The following PCIF1 variants were observed in gnomAD, a reference collection of about 807,000 sequenced individuals.
PCIF1 encodes the protein phosphorylated CTD interacting factor 1.
In PCIF1, 12 loss-of-function variants were observed where a neutral mutation model predicts 86.9. The observed-to-expected ratio is 0.14, with a 90% confidence interval of 0.09 to 0.22. The LOEUF is 0.22. Among genes scored for constraint, PCIF1 ranks in the 10% least tolerant of loss-of-function variants. PCIF1 has a pLI of 1.00. For missense variants in PCIF1, 701 were observed against 951.1 expected (o/e 0.74, Z 3.46); for synonymous variants, 397 against 372.0 (o/e 1.07, Z -0.77).
At chr20:45,940,755 T>G in intron 5 of PCIF1, 54 bp from the exon 6 acceptor site, 1 of 1,601,244 alleles carries the variant, frequency 6.2e-7, no homozygotes, top group Non-Finnish European at 8.5e-7. Flanking sequence ...CTGTATTGGA[T>G]GGAGCCTCTC....
chr20:45,944,136 C>T (rs1051303154), intron 10 of PCIF1, among the ~76,000 whole-genome samples: 22 of 152,128 alleles, frequency 1.4e-4, no homozygotes, highest in African/African-American at 5.3e-4. Context: ...GAGCTACCAT[C>T]AGATTCAATT....
Position 45,947,716 on chromosome 20 carries a change from C to T in PCIF1, c.2076C>T (p.Gly692=). 1 of 1,606,000 alleles carries T rather than the reference C, an allele frequency of 6.2e-7. No individual in the cohort carries two copies. Among genetic ancestry groups the T allele is most frequent in the African/African-American group, 1.3e-5 (1 of 74,920 alleles). ...CGGAGGCCAAGGACCGGGACTCGGG[C>T]CGTGAGCAGGGTCCTAGCCGCGAGC... ...SSSEAKDRDS[G]REQGPSREPH... Residue 692 remains glycine (G), a synonymous_variant, in exon 17 of 17, where the codon GGC becomes GGT. Transcript: ENST00000372409. The surrounding 1 kb of genome is among the most constrained non-coding windows in gnomAD (Gnocchi z 5.4).
intron 7 of PCIF1, among the ~76,000 whole-genome samples, chr20:45,941,658 C>T (rs902184793): frequency 3.9e-5 from 6 of 152,104 alleles, no homozygotes; most frequent in East Asian, 3.9e-4. Flanking sequence ...GGGGGTGTCA[C>T]GATGTTGGCC....
At chr20:45,940,103 GT>G (rs1469160609) in intron 4 of PCIF1, among the ~76,000 whole-genome samples, 1 of 152,242 alleles carries the variant, frequency 6.6e-6, no homozygotes, top group African/African-American at 2.4e-5. Context: ...ACAATAAGCA[GT>G]TTTTGAGCTT....
rs1457110751 is a variant in PCIF1 at position 45,947,486 on chromosome 20, G to A, written c.1884-38G>A. Reference sequence around the variant, plus strand: ...GAAGGAGGCTGGGCTGGCCAGGCCAGGCCCAGCCCCACCCTGAGCCATTGC... The same window carrying A: ...GAAGGAGGCTGGGCTGGCCAGGCCAAGCCCAGCCCCACCCTGAGCCATTGC... On this transcript the variant is annotated intron_variant, in intron 16 of 16. Coordinates refer to ENST00000372409, the MANE Select transcript of PCIF1 (RefSeq NM_022104.4). This position sits in a 1 kb window ranked among gnomAD's most constrained non-coding sequence, Gnocchi z 5.4. 1 of 1,613,140 alleles carries A rather than the reference G, an allele frequency of 6.2e-7. No individual in the cohort carries two copies. The highest frequency in any genetic ancestry group is 1.3e-5 in the African/African-American group (1 of 74,924).
rs2083499217 is a variant in PCIF1 at position 45,943,983 on chromosome 20, A to G, written c.1005+218A>G. On this transcript the variant is annotated intron_variant, in intron 10 of 16. Transcript: ENST00000372409. This position sits in a 1 kb window ranked among gnomAD's most constrained non-coding sequence, Gnocchi z 5.5. ...CTCCCACAGAACATTTCCATTAACA[A>G]TCTTAATGGAGTCTTATGCTTGGCC... Among the ~76,000 whole-genome samples the G allele has an allele frequency of 6.6e-6, 1 of 152,026 alleles. No individual in the cohort carries two copies. Among genetic ancestry groups the G allele is most frequent in the Non-Finnish European group, 1.5e-5 (1 of 68,018 alleles).
In PCIF1 at chr20:45,943,905, C is replaced by T. The variant is rs749721935; in HGVS notation, c.1005+140C>T. ...TGCAGTATGGCAGACGTTCGACATT[C>T]GTCAGTCCCCAAACTCATGACTGTG... On this transcript the variant is annotated intron_variant, in intron 10 of 16. Transcript: ENST00000372409. This position sits in a 1 kb window ranked among gnomAD's most constrained non-coding sequence, Gnocchi z 5.5. 14 of 625,102 alleles carry T rather than the reference C, an allele frequency of 2.2e-5. No individual in the cohort carries two copies. Among genetic ancestry groups the T allele is most frequent in the Admixed American group, 5.5e-5 (2 of 36,346 alleles). The allele number at this position is 625,102 out of a possible 1,614,324, so 38.7% of individuals were successfully genotyped here. A position where few individuals can be genotyped will look rare whatever the true frequency, so the allele number is the denominator to read the frequency against.
chr20:45,934,725 G>A lies in PCIF1; in HGVS notation c.-267G>A, dbSNP rs1352693168. 2 of 398,982 alleles carry A rather than the reference G, an allele frequency of 5.0e-6. No homozygotes were observed. The highest frequency in any genetic ancestry group is 3.6e-5 in the East Asian group (1 of 28,062). The allele number at this position is 398,982 out of a possible 1,614,324, so 24.7% of individuals were successfully genotyped here. A position where few individuals can be genotyped will look rare whatever the true frequency, so the allele number is the denominator to read the frequency against. On this transcript the variant is annotated 5_prime_UTR_variant, in exon 1 of 17. Coordinates refer to ENST00000372409, the MANE Select transcript of PCIF1 (RefSeq NM_022104.4). The stretch of plus-strand genomic sequence containing the variant: ...GACACAAGATGGCGGCAGCGGCGCT[G>A]GGGAGGGCGAGGCGGAGGCGGCAAA...
chr20:45,938,936 G>A (rs925331708), intron 2 of PCIF1, 45 bp from the exon 3 acceptor site: 21 of 1,600,718 alleles, frequency 1.3e-5, no homozygotes, highest in South Asian at 4.5e-5. Flanking sequence ...TGTAATTGGC[G>A]GGTGAGGGGG....
chr20:45,944,930 C>A lies in PCIF1; in HGVS notation c.1068C>A (p.Ser356=). Residue 356 remains serine (S), a synonymous_variant, in exon 11 of 17, where the codon TCC becomes TCA. Coordinates refer to ENST00000372409, the MANE Select transcript of PCIF1 (RefSeq NM_022104.4). ...GPHVSAAAKD[S]VEGICSKIYH... is the part of the protein sequence containing the mutation. ...ACGTCTCGGCCGCAGCCAAGGACTC[C>A]GTGGAAGGCATCTGCAGTAAGATCT... 2 of 1,614,118 alleles carry A rather than the reference C, an allele frequency of 1.2e-6. No homozygotes were observed. Among genetic ancestry groups the A allele is most frequent in the African/African-American group, 1.3e-5 (1 of 75,062 alleles).
rs367721216 is a variant in PCIF1, at chr20:45,945,665, C to T, written c.1169-46C>T. ...AGCATGTGGCCCACAGTGGCTGCAGCGTGAGAATGAGGAGTGTGGTCCCTC... is the reference window on the plus strand; with the variant it reads ...AGCATGTGGCCCACAGTGGCTGCAGTGTGAGAATGAGGAGTGTGGTCCCTC... On this transcript the variant is annotated intron_variant, in intron 11 of 16. Coordinates refer to ENST00000372409, the MANE Select transcript of PCIF1 (RefSeq NM_022104.4). The T allele has an allele frequency of 3.1e-5, 49 of 1,590,644 alleles. No homozygotes were observed. The Middle Eastern group carries it at 1.1e-3, about 37-fold the overall frequency.
chr20:45,935,164 A>G (rs1600497163), intron 1 of PCIF1, among the ~76,000 whole-genome samples: 1 of 142,394 alleles, frequency 7.0e-6, no homozygotes, highest in Non-Finnish European at 1.5e-5. Context: ...CAAACAGCCC[A>G]CCCTCGCTGG....
rs796753231 is a variant in PCIF1 at position 45,941,979 on chromosome 20, A to AT, written c.673+783dup. Among the ~76,000 whole-genome samples the AT allele has an allele frequency of 2.0e-3, 223 of 109,552 alleles. 1 individual carries two copies. The highest frequency in any genetic ancestry group is 5.1e-3 in the East Asian group (20 of 3,954). 71.9% of individuals were successfully genotyped at this position (109,552 alleles called of 152,430 possible). A position where few individuals can be genotyped will look rare whatever the true frequency, so the allele number is the denominator to read the frequency against. On this transcript the variant is annotated intron_variant, in intron 7 of 16. Coordinates refer to ENST00000372409, the MANE Select transcript of PCIF1 (RefSeq NM_022104.4). ...TTTCACCTTTTTTTTTTTTTTTTTA[A>AT]TTTTTTTTTTTCTTGAGACGGCGTC...
intron 4 of PCIF1, among the ~76,000 whole-genome samples, chr20:45,940,252 A>G (rs965181891): frequency 3.9e-5 from 6 of 152,206 alleles, no homozygotes; most frequent in Non-Finnish European, 2.9e-5. Context: ...AGGGATTAGC[A>G]TGGCCATTCT....
At chr20:45,938,564 C>T (rs1326573970) in intron 2 of PCIF1, among the ~76,000 whole-genome samples, 2 of 152,188 alleles carry the variant, frequency 1.3e-5, no homozygotes, top group African/African-American at 2.4e-5. Flanking sequence ...CTGAATTGGA[C>T]GCAGTTCCTA....
intron 4 of PCIF1, 26 bp downstream of exon 4, chr20:45,939,365 G>T: frequency 1.2e-6 from 2 of 1,611,652 alleles, no homozygotes; most frequent in East Asian, 2.2e-5. Flanking sequence ...GGGTGGGGGG[G>T]TCTCAGAGTG....
At chr20:45,941,608 A>G (rs2145329194) in intron 7 of PCIF1, among the ~76,000 whole-genome samples, 1 of 152,098 alleles carries the variant, frequency 6.6e-6, no homozygotes, top group South Asian at 2.1e-4. Flanking sequence ...ACAGGTGTAC[A>G]CCACCATGCC....
chr20:45,942,750 G>A (rs967346204), intron 7 of PCIF1, among the ~76,000 whole-genome samples: 2 of 147,684 alleles, frequency 1.4e-5, no homozygotes, highest in African/African-American at 5.0e-5. Context: ...GAGGAGCTGG[G>A]ACACCCAGCT....
rs1386196352 is a variant in PCIF1, at chr20:45,947,289, CCT to C, written c.1735_1736del (p.Leu579ValfsTer8). The C allele has an allele frequency of 6.2e-7, 1 of 1,613,612 alleles. No homozygotes were observed. Among genetic ancestry groups the C allele is most frequent in the Non-Finnish European group, 8.5e-7 (1 of 1,179,732 alleles). On this transcript the variant is annotated frameshift_variant, in exon 16 of 17. Transcript: ENST00000372409. LOFTEE classifies it high-confidence loss of function. The surrounding 1 kb of genome is among the most constrained non-coding windows in gnomAD (Gnocchi z 5.4). ...ERLLESSPEP[L>X]SFIVFIPEWR... ...GACTGCTTGAGAGCTCACCGGAGCCCCTGTCCTTCATCGTGTTCATCCCTGAG... is the reference window on the plus strand; with the variant it reads ...GACTGCTTGAGAGCTCACCGGAGCCCGTCCTTCATCGTGTTCATCCCTGAG...
Sources: gnomAD v4.1 joint callset for allele counts (sites outside exome capture counted in the v4.1 genomes callset) on GRCh38, gnomAD v4.1.1 for gene constraint, Gnocchi (gnomAD v3.1) non-coding constraint, MANE v1.5 for transcripts, NCBI Gene and HGNC (gene_info 2026-07-23, HGNC 2026-07-21) for gene names.